ZDHHC13: variants seen among roughly 807,000 people sequenced by gnomAD.
ZDHHC13 encodes the protein palmitoyltransferase ZDHHC13.
ZDHHC13 carries 85 observed loss-of-function variants against 86.0 expected under a neutral mutation model. The observed-to-expected ratio is 0.99, with a 90% CI of 0.83 to 1.18. The LOEUF is 1.18. ZDHHC13 is among the 50% of genes most tolerant of loss of function. ZDHHC13 has a pLI of 0.00. For missense variants in ZDHHC13, 711 were observed against 730.2 expected (o/e 0.97, Z 0.30); for synonymous variants, 263 against 246.4 (o/e 1.07, Z -0.63).
chr11:19,152,395 G>A (rs752364418), intron 7 of ZDHHC13, 75 bp downstream of exon 7: 39 of 1,525,138 alleles, frequency 2.6e-5, no homozygotes, highest in Non-Finnish European at 3.2e-5. Flanking sequence ...GTAAAGATAA[G>A]CTATATAATT....
intron 1 of ZDHHC13, among the ~76,000 whole-genome samples, chr11:19,140,021 T>G: frequency 6.7e-6 from 1 of 150,328 alleles, no homozygotes; most frequent in Non-Finnish European, 1.5e-5. Flanking sequence ...ACTTCATGTC[T>G]AAAACACCAA....
chr11:19,165,864 G>A (rs1181031658), intron 13 of ZDHHC13, among the ~76,000 whole-genome samples: 1 of 152,152 alleles, frequency 6.6e-6, no homozygotes, highest in Non-Finnish European at 1.5e-5. Flanking sequence ...TCTGTCACAG[G>A]ATAGGACAGC....
intron 14 of ZDHHC13, chr11:19,167,595 G>GT (rs1850107096): frequency 6.6e-6 from 1 of 152,106 alleles, no homozygotes; most frequent in Non-Finnish European, 1.5e-5. Context: ...GAGGGCTTCA[G>GT]TTACCTTGTC....
In ZDHHC13 at chr11:19,163,532, CAT is replaced by C. The variant is rs551180973; in HGVS notation, c.1233+106_1233+107del. ...GTTGCTTTTTGTTACGGCTGCATGACATGTGGGGTGATATAGCAAAAATTAGA... is the reference window on the plus strand; with the variant it reads ...GTTGCTTTTTGTTACGGCTGCATGACGTGGGGTGATATAGCAAAAATTAGA... On this transcript the variant is annotated intron_variant, in intron 11 of 16. Coordinates refer to ENST00000446113, the MANE Select transcript of ZDHHC13 (RefSeq NM_019028.3). 2,682 of 1,198,986 alleles carry C rather than the reference CAT, an allele frequency of 2.2e-3. 49 individuals carry two copies. The highest frequency in any genetic ancestry group is 9.3e-3 in the East Asian group (304 of 32,832). 74.3% of individuals were successfully genotyped at this position (1,198,986 alleles called of 1,614,324 possible).
chr11:19,137,003 A>C (rs1357263714), intron 1 of ZDHHC13, among the ~76,000 whole-genome samples: 11 of 152,336 alleles, frequency 7.2e-5, no homozygotes, highest in Admixed American at 3.9e-4. Flanking sequence ...AAGAAACTGC[A>C]TGAACTAACG....
intron 1 of ZDHHC13, among the ~76,000 whole-genome samples, chr11:19,123,161 A>G (rs1042252481): frequency 3.3e-5 from 5 of 152,228 alleles, no homozygotes; most frequent in African/African-American, 9.6e-5. Flanking sequence ...TTAATTGCCG[A>G]CTAAACAAAT....
chr11:19,120,875 A>G (rs1333159150), intron 1 of ZDHHC13, among the ~76,000 whole-genome samples: 2 of 152,242 alleles, frequency 1.3e-5, no homozygotes, highest in African/African-American at 4.8e-5. Flanking sequence ...AAAATGGAAT[A>G]GAATCATAGA....
intron 1 of ZDHHC13, among the ~76,000 whole-genome samples, chr11:19,139,268 C>G (rs1227503080): frequency 6.6e-6 from 1 of 152,024 alleles, no homozygotes; most frequent in Admixed American, 6.6e-5. Context: ...TATACACCAA[C>G]AACAGACAAA....
chr11:19,131,722 C>G (rs1043004367), intron 1 of ZDHHC13, among the ~76,000 whole-genome samples: 1 of 152,050 alleles, frequency 6.6e-6, no homozygotes, highest in Non-Finnish European at 1.5e-5. Flanking sequence ...CTGCAACTGC[C>G]TCCCAGGTTC....
chr11:19,172,655 CTTA>C (rs1850254183), intron 15 of ZDHHC13, 65 bp from the exon 16 acceptor site: 1 of 1,277,306 alleles, frequency 7.8e-7, no homozygotes, highest in Non-Finnish European at 1.1e-6. Flanking sequence ...TGATACTGAT[CTTA>C]TATTGTTTTA....
intron 1 of ZDHHC13, among the ~76,000 whole-genome samples, chr11:19,123,777 T>TAACAAC (rs142955690): frequency 1.3e-5 from 2 of 151,942 alleles, no homozygotes; most frequent in African/African-American, 4.8e-5. Context: ...CCAGTATACC[T>TAACAAC]AACAACAACA....
intron 13 of ZDHHC13, among the ~76,000 whole-genome samples, chr11:19,165,384 G>A (rs1850034320): frequency 6.6e-6 from 1 of 152,150 alleles, no homozygotes; most frequent in African/African-American, 2.4e-5. Flanking sequence ...CATATTACTT[G>A]TAAAAACGCT....
chr11:19,135,430 G>A lies in ZDHHC13; in HGVS notation c.28-7548G>A, dbSNP rs575971329. On this transcript the variant is annotated intron_variant, in intron 1 of 16. Coordinates refer to ENST00000446113, the MANE Select transcript of ZDHHC13 (RefSeq NM_019028.3). ...CTGGCTCGGAGGGGCCTACGCCCAT[G>A]GAGTCTCGCTGGATTGCTAGCACAG... Among the ~76,000 whole-genome samples, 439 of 152,372 alleles carry A rather than the reference G, an allele frequency of 2.9e-3. 3 individuals are homozygous for A. The highest frequency in any genetic ancestry group is 0.014 in the Middle Eastern group (4 of 294).
chr11:19,139,919 A>G (rs1370729776), intron 1 of ZDHHC13, among the ~76,000 whole-genome samples: 1 of 141,272 alleles, frequency 7.1e-6, no homozygotes, highest in Non-Finnish European at 1.5e-5. Flanking sequence ...TCAATTCAAG[A>G]TGGATTAAAG....
At chr11:19,141,648 G>A (rs774233409) in intron 1 of ZDHHC13, among the ~76,000 whole-genome samples, 1 of 148,952 alleles carries the variant, frequency 6.7e-6, no homozygotes, top group Non-Finnish European at 1.5e-5. Flanking sequence ...TCCACAGAAC[G>A]GATAATTGAT....
At chr11:19,158,364 A>T (rs1258339115) in intron 9 of ZDHHC13, among the ~76,000 whole-genome samples, 2 of 152,118 alleles carry the variant, frequency 1.3e-5, no homozygotes, top group Non-Finnish European at 2.9e-5. Flanking sequence ...ATCGCCTGTG[A>T]CCCAAGTGAG....
At chr11:19,172,939 T>A (rs1196349491) in intron 16 of ZDHHC13, 119 bp downstream of exon 16, 5 of 804,248 alleles carry the variant, frequency 6.2e-6, no homozygotes, top group Non-Finnish European at 9.3e-6. Context: ...TCTAGTACAG[T>A]TGACCCCCCT....
At chr11:19,172,292 C>T (rs1176959091) in intron 15 of ZDHHC13, among the ~76,000 whole-genome samples, 3 of 152,038 alleles carry the variant, frequency 2.0e-5, no homozygotes, top group Non-Finnish European at 2.9e-5. Flanking sequence ...AGGCTGCTCT[C>T]GAACTCCTGA....
chr11:19,142,964 C>A lies in ZDHHC13; in HGVS notation c.28-14C>A. On this transcript the variant is annotated splice_polypyrimidine_tract_variant and intron_variant, in intron 1 of 16. Coordinates refer to ENST00000446113, the MANE Select transcript of ZDHHC13 (RefSeq NM_019028.3). The stretch of plus-strand genomic sequence containing the variant: ...AATTCTCTCATGCTTTGTCAAATGA[C>A]TCTTACTCTTCAGTGCAGGAATCAC... 1 of 1,594,288 alleles carries A rather than the reference C, an allele frequency of 6.3e-7. No individual in the cohort carries two copies.
Sources: gnomAD v4.1 joint callset for allele counts (sites outside exome capture counted in the v4.1 genomes callset) on GRCh38, gnomAD v4.1.1 for gene constraint, MANE v1.5 for transcripts, NCBI Gene and HGNC (gene_info 2026-07-23, HGNC 2026-07-21) for gene names.